The following ERBIN variants were observed in gnomAD, a reference collection of about 807,000 sequenced individuals.
ERBIN encodes densin-180-like protein.
In ERBIN, 60 loss-of-function variants were observed where a neutral mutation model predicts 158.4. The observed-to-expected ratio is 0.38, with a 90% CI of 0.31 to 0.47. The LOEUF is 0.47. ERBIN is among the 20% of genes least tolerant of loss of function. The pLI is 0.99. For missense variants in ERBIN, 1,610 were observed against 1,648.0 expected (o/e 0.98, Z 0.40); for synonymous variants, 594 against 557.2 (o/e 1.07, Z -0.93).
At chr5:65,980,893 A>G (rs1452505751) in intron 1 of ERBIN, among the ~76,000 whole-genome samples, 1 of 152,230 alleles carries the variant, frequency 6.6e-6, no homozygotes, top group Non-Finnish European at 1.5e-5. Flanking sequence ...ACTTACAGAA[A>G]AAGCCATAAA....
At position 66,081,139 on chromosome 5, in the gene ERBIN, T is replaced by C. The variant is rs546314919; in HGVS notation, c.*2609T>C. 1 of 152,098 alleles carries C rather than the reference T, an allele frequency of 6.6e-6. No homozygotes were observed. Among genetic ancestry groups the C allele is most frequent in the East Asian group, 1.9e-4 (1 of 5,190 alleles). 9.4% of individuals were successfully genotyped at this position (152,098 alleles called of 1,614,324 possible). ...AATTCATCAAAACCACAACTGTCTT[T>C]TAGTGATTTTGTCTTTAAGAGTAAT... On this transcript the variant is annotated 3_prime_UTR_variant, in exon 26 of 26. Coordinates refer to ENST00000284037, the MANE Select transcript of ERBIN (RefSeq NM_001253697.2).
intron 1 of ERBIN, among the ~76,000 whole-genome samples, chr5:65,965,779 T>A (rs1748548542): frequency 6.6e-6 from 1 of 152,226 alleles, no homozygotes; most frequent in African/African-American, 2.4e-5. Flanking sequence ...CTCCCCTTAA[T>A]GTGTTTTTAG....
intron 17 of ERBIN, among the ~76,000 whole-genome samples, chr5:66,044,726 CTG>C (rs1359293286): frequency 1.3e-5 from 2 of 151,762 alleles, no homozygotes; most frequent in Admixed American, 1.3e-4. Context: ...GATCGTACCA[CTG>C]TGCTCCAGCC....
chr5:66,011,262 T>G (rs2151101495), intron 4 of ERBIN, among the ~76,000 whole-genome samples: 1 of 152,296 alleles, frequency 6.6e-6, no homozygotes, highest in East Asian at 1.9e-4. Flanking sequence ...TATCTTAGGG[T>G]GGACAGTGCT....
chr5:66,018,519 AAT>A (rs1755174612), intron 7 of ERBIN, among the ~76,000 whole-genome samples: 1 of 10,134 alleles, frequency 9.9e-5, no homozygotes, highest in Non-Finnish European at 1.9e-4. Context: ...TATATTATAT[AAT>A]ATATATTATA....
intron 4 of ERBIN, among the ~76,000 whole-genome samples, chr5:66,004,532 G>A (rs1753376806): frequency 6.6e-6 from 1 of 152,188 alleles, no homozygotes; most frequent in Non-Finnish European, 1.5e-5. Context: ...CCAAGTAGCT[G>A]AGACTACAGG....
intron 4 of ERBIN, among the ~76,000 whole-genome samples, chr5:66,005,231 A>G (rs1248304700): frequency 6.6e-6 from 1 of 152,182 alleles, no homozygotes; most frequent in Non-Finnish European, 1.5e-5. Flanking sequence ...ATAGCAGTAT[A>G]TGACGGATCG....
At chr5:66,003,416 C>T (rs1580316357) in intron 4 of ERBIN, among the ~76,000 whole-genome samples, 1 of 151,884 alleles carries the variant, frequency 6.6e-6, no homozygotes, top group Non-Finnish European at 1.5e-5. Context: ...CAGAAAATAA[C>T]GGTTTGCCGT....
chr5:66,043,295 T>C, intron 16 of ERBIN, 97 bp downstream of exon 16: 4 of 1,242,908 alleles, frequency 3.2e-6, no homozygotes, highest in Non-Finnish European at 4.5e-6. Context: ...TAACAAAGTA[T>C]TGAATTTATT....
intron 1 of ERBIN, among the ~76,000 whole-genome samples, chr5:65,964,945 T>TGTG (rs1244833398): frequency 5.1e-5 from 6 of 116,604 alleles, no homozygotes; most frequent in Admixed American, 8.2e-5. Flanking sequence ...TGTGTGTGTG[T>TGTG]AATTTTTTTT....
intron 7 of ERBIN, among the ~76,000 whole-genome samples, chr5:66,020,783 C>T (rs986992052): frequency 6.6e-6 from 1 of 151,914 alleles, no homozygotes; most frequent in South Asian, 2.1e-4. Context: ...TAAATGTCAA[C>T]TACTAATTTG....
Position 66,081,769 on chromosome 5 carries a change from CTCAG to C in ERBIN, c.*3242_*3245del, listed in dbSNP as rs983571623. ...TCTATTTGGAAGGGTATTTTTTTCA[CTCAG>C]TCTGTTGCATTCTTACAGCCTTCTG... is the stretch of plus-strand genomic sequence containing the variant. On this transcript the variant is annotated 3_prime_UTR_variant, in exon 26 of 26. Transcript: ENST00000284037. 1.3e-5 allele frequency: 2 copies of C among 151,762 alleles called. No homozygotes were observed. The highest frequency in any genetic ancestry group is 6.6e-5 in the Admixed American group (1 of 15,240). The allele number at this position is 151,762 out of a possible 1,614,324, so 9.4% of individuals were successfully genotyped here. A position where few individuals can be genotyped will look rare whatever the true frequency, so the allele number is the denominator to read the frequency against.
intron 13 of ERBIN, among the ~76,000 whole-genome samples, chr5:66,026,625 T>C (rs969522531): frequency 1.4e-4 from 22 of 152,002 alleles, no homozygotes; most frequent in African/African-American, 3.4e-4. Flanking sequence ...ATCAGTGTTA[T>C]AAGAAAATGA....
intron 7 of ERBIN, among the ~76,000 whole-genome samples, chr5:66,018,086 A>G (rs1754986260): frequency 6.6e-6 from 1 of 151,862 alleles, no homozygotes; most frequent in Non-Finnish European, 1.5e-5. Context: ...GCTTTGTAGT[A>G]CAATTTGAAG....
intron 1 of ERBIN, among the ~76,000 whole-genome samples, chr5:65,929,066 TCTC>T (rs940740667): frequency 2.0e-5 from 3 of 152,162 alleles, no homozygotes; most frequent in African/African-American, 7.2e-5. Flanking sequence ...TGTTACGAGG[TCTC>T]CTTGCCATTT....
chr5:66,055,107 A>G, intron 21 of ERBIN, 156 bp downstream of exon 21: 1 of 1,403,136 alleles, frequency 7.1e-7, no homozygotes, highest in East Asian at 2.6e-5. Flanking sequence ...AAACTCAGCC[A>G]GGACAATTGG....
chr5:65,951,802 A>G (rs553519848), intron 1 of ERBIN, among the ~76,000 whole-genome samples: 34 of 152,372 alleles, frequency 2.2e-4, no homozygotes, highest in African/African-American at 7.9e-4. Context: ...TTAAATTTTC[A>G]TTAATACCAA....
intron 7 of ERBIN, among the ~76,000 whole-genome samples, chr5:66,018,723 A>G (rs763564001): frequency 1.0e-4 from 15 of 144,372 alleles, no homozygotes; most frequent in Non-Finnish European, 2.1e-4. Flanking sequence ...TGCAAGCTCT[A>G]TCTCCCGGGT....
chr5:66,062,320 C>G (rs1159273261), intron 21 of ERBIN, among the ~76,000 whole-genome samples: 12 of 152,288 alleles, frequency 7.9e-5, no homozygotes, highest in African/African-American at 2.9e-4. Context: ...ACCCTTTCTT[C>G]CAGTTGATCG....
Sources: gnomAD v4.1 joint callset for allele counts (sites outside exome capture counted in the v4.1 genomes callset) on GRCh38, gnomAD v4.1.1 for gene constraint, MANE v1.5 for transcripts, NCBI Gene and HGNC (gene_info 2026-07-23, HGNC 2026-07-21) for gene names.